PAK3: variants seen among roughly 807,000 people sequenced by gnomAD.
PAK3 encodes the protein serine/threonine-protein kinase PAK 3.
PAK3 carries 4 observed loss-of-function variants against 41.0 expected under a neutral mutation model. The ratio of observed to expected loss-of-function variants is 0.10; its 90% CI spans 0.05 to 0.22. The LOEUF (loss-of-function observed/expected upper bound fraction) is 0.22, where lower values mean the gene tolerates loss of function less well. Ranked by LOEUF, PAK3 falls within the 10% of genes least tolerant of loss-of-function variation. PAK3 has a pLI of 1.00. For synonymous variants in PAK3, 146 were observed against 139.6 expected (o/e 1.05, Z -0.32); for missense variants, 205 against 409.9 (o/e 0.50, Z 4.32).
At chrX:110,991,868 G>A (rs1175384204) in intron 1 of PAK3, among the ~76,000 whole-genome samples, 1 of 110,253 alleles carries the variant, frequency 9.1e-6, no homozygotes, top group African/African-American at 3.3e-5. Context: ...TCCAGAAGCT[G>A]AGATATGACA....
chrX:111,004,746 C>T lies in PAK3; in HGVS notation c.-28+60118C>T, dbSNP rs150820799. Among the ~76,000 whole-genome samples, 7 of 112,450 alleles carry T rather than the reference C, an allele frequency of 6.2e-5. No individual in the cohort carries two copies. In the East Asian group the frequency reaches 2.0e-3, roughly 32 times the overall value. On this transcript the variant is annotated intron_variant, in intron 1 of 14. Coordinates refer to the PAK3 transcript ENST00000425146. ...TTAGAGATTGCAATAGCAGTGCACACTGAGCTCCAATTAAGGAATTTCCTA... is the reference window on the plus strand; with the variant it reads ...TTAGAGATTGCAATAGCAGTGCACATTGAGCTCCAATTAAGGAATTTCCTA...
At chrX:111,102,842 CTA>C (rs2093169760) in intron 3 of PAK3, among the ~76,000 whole-genome samples, 1 of 112,414 alleles carries the variant, frequency 8.9e-6, no homozygotes, top group African/African-American at 3.2e-5. Flanking sequence ...GATGAGGTGA[CTA>C]ACAGCAATTC....
intron 16 of PAK3, among the ~76,000 whole-genome samples, chrX:111,199,329 C>A (rs2094651904): frequency 9.0e-6 from 1 of 111,111 alleles, no homozygotes; most frequent in Non-Finnish European, 1.9e-5. Flanking sequence ...TTTCTCTTGC[C>A]TGATTACTCT....
intron 4 of PAK3, among the ~76,000 whole-genome samples, chrX:111,113,179 T>A (rs993696737): frequency 8.9e-6 from 1 of 111,886 alleles, no homozygotes; most frequent in East Asian, 2.8e-4. Flanking sequence ...GCTCAAGCGC[T>A]ATATCCTCTG....
rs146968334 is a variant in PAK3, at chrX:111,071,080, A to G, written c.-27-51997A>G. Among the ~76,000 whole-genome samples the G allele has an allele frequency of 4.5e-3, 505 of 112,319 alleles. 5 individuals carry two copies. The highest frequency in any genetic ancestry group is 0.016 in the African/African-American group (484 of 30,897). ...CATTTTTCCAACCCTTTGATGTATT[A>G]AAATATTGTTTCCAGTGATATTTCA... On this transcript the variant is annotated intron_variant, in intron 1 of 14. Transcript: ENST00000425146.
intron 1 of PAK3, among the ~76,000 whole-genome samples, chrX:111,053,599 A>G (rs1975223056): frequency 1.8e-5 from 2 of 111,214 alleles, no homozygotes; most frequent in African/African-American, 6.6e-5. Context: ...TCTTGCCAAG[A>G]TGGAGACCTT....
intron 5 of PAK3, among the ~76,000 whole-genome samples, chrX:111,138,442 A>G (rs1227961852): frequency 9.0e-6 from 1 of 111,596 alleles, no homozygotes; most frequent in Non-Finnish European, 1.9e-5. Flanking sequence ...TGATGGTACC[A>G]AGCTCAAAGT....
chrX:110,986,353 G>A (rs1227456413), intron 1 of PAK3, among the ~76,000 whole-genome samples: 2 of 111,710 alleles, frequency 1.8e-5, no homozygotes, highest in Admixed American at 9.5e-5. Flanking sequence ...TTGACATGGG[G>A]GGAAGAGACA....
intron 1 of PAK3, among the ~76,000 whole-genome samples, chrX:111,061,822 T>A (rs1343604851): frequency 1.9e-5 from 2 of 105,480 alleles, no homozygotes; most frequent in African/African-American, 3.4e-5. Flanking sequence ...CAGTCACTTG[T>A]TTTTTTTTTA....
intron 16 of PAK3, among the ~76,000 whole-genome samples, chrX:111,202,607 CT>C (rs1472968538): frequency 8.9e-6 from 1 of 112,157 alleles, no homozygotes; most frequent in African/African-American, 3.2e-5. Context: ...CTTTAAACAA[CT>C]GTTATTATAA....
chrX:111,032,772 A>G (rs894110308), intron 1 of PAK3, among the ~76,000 whole-genome samples: 3 of 110,644 alleles, frequency 2.7e-5, no homozygotes, highest in Non-Finnish European at 5.7e-5. Flanking sequence ...TGTCAAGGAA[A>G]TGAGGTAGTT....
chrX:111,171,450 G>A (rs183047809), intron 10 of PAK3, among the ~76,000 whole-genome samples: 4 of 110,337 alleles, frequency 3.6e-5, no homozygotes, highest in African/African-American at 1.0e-4. Context: ...ATAACCCCAA[G>A]ATTTTTCTGG....
chrX:110,958,678 A>G (rs2090915593), intron 1 of PAK3, among the ~76,000 whole-genome samples: 1 of 111,838 alleles, frequency 8.9e-6, no homozygotes, highest in African/African-American at 3.3e-5. Context: ...CCTGTGCCAT[A>G]TTCAGTCTAA....
chrX:111,162,871 T>C, intron 8 of PAK3, 44 bp from the exon 9 acceptor site: 1 of 1,140,987 alleles, frequency 8.8e-7, no homozygotes, highest in Non-Finnish European at 1.2e-6. Flanking sequence ...AGAAAAACAA[T>C]GAGGAGTTAA....
At chrX:111,023,141 G>A (rs2092214640) in intron 1 of PAK3, among the ~76,000 whole-genome samples, 1 of 111,407 alleles carries the variant, frequency 9.0e-6, no homozygotes, top group East Asian at 2.8e-4. Context: ...AACACACGGT[G>A]TTTGGTTTTC....
chrX:111,224,933 C>T lies in PAK3; in HGVS notation c.*4486C>T, dbSNP rs2094946206. 8.9e-6 allele frequency: 1 copy of T among 112,102 alleles called. No homozygotes were observed. Among genetic ancestry groups the T allele is most frequent in the African/African-American group, 3.2e-5 (1 of 30,816 alleles). The allele number at this position is 112,102 out of a possible 1,213,427, so 9.2% of individuals were successfully genotyped here. A position where few individuals can be genotyped will look rare whatever the true frequency, so the allele number is the denominator to read the frequency against. On this transcript the variant is annotated 3_prime_UTR_variant, in exon 18 of 18. Transcript: ENST00000372007. ...AATCTCTTGGTCTTTATCTAAGCTA[C>T]TTGCAGTTAATATTCAGTTAAGCAA...
At chrX:111,086,534 A>G (rs2148848778) in intron 1 of PAK3, among the ~76,000 whole-genome samples, 1 of 111,582 alleles carries the variant, frequency 9.0e-6, no homozygotes, top group Non-Finnish European at 1.9e-5. Flanking sequence ...AAAGGGTCAA[A>G]GACAATCTCA....
intron 1 of PAK3, among the ~76,000 whole-genome samples, chrX:110,970,742 A>G (rs138237695): frequency 0.034 from 3,824 of 112,020 alleles, 69 homozygotes; most frequent in Non-Finnish European, 0.044. Context: ...CTGCAAATGT[A>G]TCCCAGAACT....
At chrX:111,152,648 C>T (rs1263549249) in intron 8 of PAK3, 2 of 343,386 alleles carry the variant, frequency 5.8e-6, no homozygotes, top group African/African-American at 2.6e-5. Flanking sequence ...GCTACCATCA[C>T]CACAATTGAG....
Sources: allele counts gnomAD v4.1 joint callset (sites outside exome capture counted in the v4.1 genomes callset), GRCh38; gene constraint gnomAD v4.1.1; transcripts MANE v1.5; gene names NCBI Gene and HGNC (gene_info 2026-07-23, HGNC 2026-07-21).